SLC66A2: variants seen among roughly 807,000 people sequenced by gnomAD.
SLC66A2 encodes the protein PQ loop repeat containing 1.
Under a neutral mutation model 25.5 loss-of-function variants are expected in SLC66A2, and 23 were observed. The ratio of observed to expected loss-of-function variants is 0.90; its 90% CI spans 0.65 to 1.28. The LOEUF is 1.28. SLC66A2 is among the 50% of genes most tolerant of loss of function. The probability of loss-of-function intolerance (pLI) is 0.00; values close to 1 mark genes in which losing one functional copy is unlikely to be tolerated. For missense variants in SLC66A2, 396 were observed against 373.1 expected (o/e 1.06, Z -0.51); for synonymous variants, 193 against 166.5 (o/e 1.16, Z -1.23).
chr18:79,918,884 T>C lies in SLC66A2; in HGVS notation c.608+300A>G, dbSNP rs1373835286. 6.6e-6 allele frequency among the ~76,000 whole-genome samples: 1 copy of C among 152,200 alleles called. No homozygotes were observed. Among genetic ancestry groups the C allele is most frequent in the Non-Finnish European group, 1.5e-5 (1 of 68,032 alleles). On this transcript the variant is annotated intron_variant, in intron 5 of 5. Coordinates refer to ENST00000397778, the MANE Select transcript of SLC66A2 (RefSeq NM_025078.5). The surrounding 1 kb of genome is among the most constrained non-coding windows in gnomAD (Gnocchi z 4.0). ...GTTGCCCTGCACTCCTCCTGCCCCG[T>C]CTGGCCAGGCACTCGGACATCCCTC...
intron 5 of SLC66A2, among the ~76,000 whole-genome samples, chr18:79,912,053 G>A (rs1031379614): frequency 3.8e-5 from 5 of 131,426 alleles, no homozygotes; most frequent in African/African-American, 1.4e-4. Context: ...GAGGGGAACA[G>A]TAGCAGGAGG....
intron 5 of SLC66A2, among the ~76,000 whole-genome samples, chr18:79,914,474 T>G (rs930290797): frequency 2.6e-5 from 4 of 151,822 alleles, no homozygotes; most frequent in Non-Finnish European, 5.9e-5. Context: ...CAGCAGGAAG[T>G]GGGGGGTCAC....
At chr18:79,944,021 C>G (rs1987952585) in intron 2 of SLC66A2, 1 of 160,660 alleles carries the variant, frequency 6.2e-6, no homozygotes, top group Non-Finnish European at 1.4e-5. Flanking sequence ...TTGCCCATCT[C>G]CCAGACTCCA....
At chr18:79,905,934 TTTAGA>T (rs1275894227) in intron 5 of SLC66A2, among the ~76,000 whole-genome samples, 1 of 152,248 alleles carries the variant, frequency 6.6e-6, no homozygotes, top group African/African-American at 2.4e-5. Flanking sequence ...CTTTTCAGAC[TTTAGA>T]TTATGCATCT....
intron 5 of SLC66A2, among the ~76,000 whole-genome samples, chr18:79,909,283 A>G (rs1982577948): frequency 1.3e-5 from 2 of 152,220 alleles, no homozygotes; most frequent in Non-Finnish European, 2.9e-5. Flanking sequence ...TGAGCAGTCA[A>G]CTGTCCACAA....
In SLC66A2 at chr18:79,951,631, C is replaced by T. The variant is rs982538745; in HGVS notation, c.-150G>A. 8 of 151,652 alleles carry T rather than the reference C, an allele frequency of 5.3e-5. No homozygotes were observed. The highest frequency in any genetic ancestry group is 8.9e-5 in the Non-Finnish European group (6 of 67,580). The allele number at this position is 151,652 out of a possible 1,614,324, so 9.4% of individuals were successfully genotyped here. On this transcript the variant is annotated 5_prime_UTR_variant, in exon 1 of 6. Transcript: ENST00000397778. ...GCCCCGCGTCCCCGCGCCGCTGACC[C>T]GCGCGCGTCTCGGCGTCAGTCCGCT...
intron 4 of SLC66A2, among the ~76,000 whole-genome samples, chr18:79,929,089 C>G (rs553301937): frequency 6.6e-6 from 1 of 152,208 alleles, no homozygotes; most frequent in Non-Finnish European, 1.5e-5. Flanking sequence ...ACAAAAACAA[C>G]AGAGACCTCG....
intron 5 of SLC66A2, among the ~76,000 whole-genome samples, chr18:79,914,879 A>T (rs1225616514): frequency 6.6e-6 from 1 of 152,228 alleles, no homozygotes; most frequent in African/African-American, 2.4e-5. Context: ...TGCCTTGCCC[A>T]GGCTGCCAGG....
Position 79,940,690 on chromosome 18 carries a change from G to A in SLC66A2, c.337+2639C>T, listed in dbSNP as rs974406149. Among the ~76,000 whole-genome samples, 2 of 152,102 alleles carry A rather than the reference G, an allele frequency of 1.3e-5. No individual in the cohort carries two copies. The highest frequency in any genetic ancestry group is 4.1e-4 in the South Asian group (2 of 4,826). On this transcript the variant is annotated intron_variant, in intron 3 of 5. Transcript: ENST00000397778. The surrounding 1 kb of genome is among the most constrained non-coding windows in gnomAD (Gnocchi z 4.1). Reference sequence around the variant, plus strand: ...TGCCCTCCCCTCTCCTGGCAGATGAGAGGACATGAGCCCACACCTTTCATC... The same window carrying A: ...TGCCCTCCCCTCTCCTGGCAGATGAAAGGACATGAGCCCACACCTTTCATC...
chr18:79,916,898 G>A (rs561929637), intron 5 of SLC66A2, among the ~76,000 whole-genome samples: 60 of 152,386 alleles, frequency 3.9e-4, no homozygotes, highest in African/African-American at 1.3e-3. Context: ...AAGTTCCAGA[G>A]GCCCAGATTT....
At position 79,918,571 on chromosome 18, in the gene SLC66A2, A is replaced by C. The variant is rs1364296709; in HGVS notation, c.608+613T>G. On this transcript the variant is annotated intron_variant, in intron 5 of 5. Transcript: ENST00000397778. This position sits in a 1 kb window ranked among gnomAD's most constrained non-coding sequence, Gnocchi z 4.0. ...CGCCACAGCGAGCAGATCTGTTTTT[A>C]TTACAATGCAGTTTCCATCCAGGAC... Among the ~76,000 whole-genome samples, 1 of 152,190 alleles carries C rather than the reference A, an allele frequency of 6.6e-6. No individual in the cohort carries two copies. The highest frequency in any genetic ancestry group is 2.4e-5 in the African/African-American group (1 of 41,442).
chr18:79,919,259 G>C lies in SLC66A2; in HGVS notation c.533C>G (p.Ala178Gly), dbSNP rs200664421. 3.1e-6 allele frequency: 5 copies of C among 1,613,340 alleles called. No individual in the cohort carries two copies. In the East Asian group the frequency reaches 8.9e-5, roughly 29 times the overall value. Residue 178 changes from alanine (A) to glycine (G), a missense_variant, in exon 5 of 6, where the codon GCT becomes GGT. Physicochemically the swap from Ala to Gly is moderately conservative, Grantham distance 60. Transcript: ENST00000397778. ...ALFVETLGFLAVLTEAMLGVP... is the reference protein window; with the variant it reads ...ALFVETLGFLGVLTEAMLGVP... ...ACCCAGCATGGCTTCGGTCAGCACA[G>C]CCAGGAAGCCCAGGGTCTCCACAAA...
Position 79,940,325 on chromosome 18 carries a change from G to A in SLC66A2, c.337+3004C>T, listed in dbSNP as rs766818443. 2.6e-5 allele frequency among the ~76,000 whole-genome samples: 4 copies of A among 152,218 alleles called. No individual in the cohort carries two copies. The highest frequency in any genetic ancestry group is 4.8e-5 in the African/African-American group (2 of 41,538). On this transcript the variant is annotated intron_variant, in intron 3 of 5. Transcript: ENST00000397778. This position sits in a 1 kb window ranked among gnomAD's most constrained non-coding sequence, Gnocchi z 4.1. ...TGATGAAATAATCTGCACACTGGCCGGGCGCAGTGGGTCACGCCCGTAATG... is the reference window on the plus strand; with the variant it reads ...TGATGAAATAATCTGCACACTGGCCAGGCGCAGTGGGTCACGCCCGTAATG...
intron 5 of SLC66A2, among the ~76,000 whole-genome samples, chr18:79,909,544 T>C: frequency 8.4e-6 from 1 of 119,740 alleles, no homozygotes; most frequent in South Asian, 2.9e-4. Context: ...GTCCCCAACC[T>C]TCCCCACACC....
chr18:79,950,584 C>G (rs1032235570), intron 2 of SLC66A2, 140 bp downstream of exon 2: 1 of 744,874 alleles, frequency 1.3e-6, no homozygotes, highest in African/African-American at 1.8e-5. Flanking sequence ...CCTGCAGCCA[C>G]GTACCCCATC....
intron 4 of SLC66A2, among the ~76,000 whole-genome samples, chr18:79,919,617 GA>G (rs67843549): frequency 4.8e-4 from 3 of 6,232 alleles, no homozygotes; most frequent in Non-Finnish European, 0.037. Context: ...AAGGTCAGTG[GA>G]GGAGAGACAG....
chr18:79,939,574 G>A (rs1352681428), intron 3 of SLC66A2, among the ~76,000 whole-genome samples: 1 of 152,104 alleles, frequency 6.6e-6, no homozygotes, highest in African/African-American at 2.4e-5. Context: ...GTGGGCAAAG[G>A]ACATGAACAC....
chr18:79,945,605 T>C (rs1402624399), intron 2 of SLC66A2, among the ~76,000 whole-genome samples: 1 of 152,038 alleles, frequency 6.6e-6, no homozygotes, highest in Non-Finnish European at 1.5e-5. Context: ...GGCCCGGGGA[T>C]AGAGGACGGC....
intron 2 of SLC66A2, among the ~76,000 whole-genome samples, chr18:79,948,786 C>T (rs1169798751): frequency 1.3e-5 from 2 of 152,200 alleles, no homozygotes; most frequent in Non-Finnish European, 2.9e-5. Flanking sequence ...ACCCTGAAGA[C>T]GAGTGCAGCG....
Sources: allele counts gnomAD v4.1 joint callset (sites outside exome capture counted in the v4.1 genomes callset), GRCh38; gene constraint gnomAD v4.1.1; non-coding constraint Gnocchi (gnomAD v3.1); transcripts MANE v1.5; gene names NCBI Gene and HGNC (gene_info 2026-07-23, HGNC 2026-07-21).